SPART: variants seen among roughly 807,000 people sequenced by gnomAD.
The protein encoded by SPART is spastic paraplegia 20 (Troyer syndrome).
SPART carries 35 observed loss-of-function variants against 58.7 expected under a neutral mutation model. That is an observed-to-expected ratio of 0.60 (90% CI 0.46 to 0.79). The LOEUF (loss-of-function observed/expected upper bound fraction) is 0.79. Ranked by LOEUF, SPART falls within the 30% of genes least tolerant of loss-of-function variation. The pLI is 0.00. For synonymous variants in SPART, 284 were observed against 280.7 expected, an observed-to-expected ratio of 1.01 and a Z score of -0.12; for missense variants, 730 against 786.1, an observed-to-expected ratio of 0.93 and a Z score of 0.85.
chr13:36,308,289 A>C (rs1880721100), intron 8 of SPART: 1 of 152,180 alleles, frequency 6.6e-6, no homozygotes, highest in African/African-American at 2.4e-5. Context: ...TATTACTTAG[A>C]TAAAATCTTT....
In SPART at chr13:36,312,217, T is replaced by G. The variant is rs1306180567; in HGVS notation, c.1661A>C (p.Gln554Pro). 2 of 1,614,074 alleles carry G rather than the reference T, an allele frequency of 1.2e-6. No individual in the cohort carries two copies. The part of the protein sequence containing the change: ...SSVQGFSTVW[Q>P]GLECAAKCIV... The stretch of plus-strand genomic sequence containing the variant: ...GCATTTAGCTGCACATTCCAATCCT[T>G]GCCAGACAGTTGAAAATCCTGTAAA... The change falls in exon 8 of 9, where the codon CAA becomes CCA. Residue 554 changes from glutamine (Q) to proline (P), a missense_variant. By Grantham distance (76) the Gln-to-Pro change is moderately conservative. Coordinates refer to ENST00000438666, the MANE Select transcript of SPART (RefSeq NM_015087.5).
chr13:36,322,956 A>G (rs1488534486), intron 5 of SPART, among the ~76,000 whole-genome samples: 1 of 152,214 alleles, frequency 6.6e-6, no homozygotes, highest in African/African-American at 2.4e-5. Flanking sequence ...TTGTTTGTCT[A>G]TTCTTTAACA....
At chr13:36,325,528 G>A (rs1882846343) in intron 5 of SPART, among the ~76,000 whole-genome samples, 1 of 152,068 alleles carries the variant, frequency 6.6e-6, no homozygotes, top group African/African-American at 2.4e-5. Flanking sequence ...TCGTTTAAAT[G>A]AGTCAAGACC....
chr13:36,336,809 CAAT>C (rs1296180313), intron 1 of SPART, among the ~76,000 whole-genome samples: 1 of 152,144 alleles, frequency 6.6e-6, no homozygotes, highest in Non-Finnish European at 1.5e-5. Flanking sequence ...TCATACAATG[CAAT>C]AATACACAGA....
intron 6 of SPART, among the ~76,000 whole-genome samples, chr13:36,313,466 G>T (rs1247643531): frequency 6.6e-6 from 1 of 152,184 alleles, no homozygotes; most frequent in African/African-American, 2.4e-5. Context: ...ATAGTGTATA[G>T]TAATGTCCTA....
At chr13:36,335,890 G>T in intron 1 of SPART, 58 bp from the exon 2 acceptor site, 1 of 1,313,208 alleles carries the variant, frequency 7.6e-7, no homozygotes, top group Non-Finnish European at 1.1e-6. Context: ...CTTATGATTC[G>T]TATCTCCTAC....
In SPART at chr13:36,312,358, G is replaced by C; in HGVS notation, c.1603C>G (p.Leu535Val). ...GCTGCTACAACCATAGCACCATCCA[G>C]AGGAGATTTCCCATCTTTGTCTTTT... ...LKKDKDGKSP[L>V]DGAMVVAASS... The change falls in exon 7 of 9, where the codon CTG becomes GTG. Residue 535 changes from leucine to valine, a missense_variant. Leu to Val is a conservative substitution (Grantham distance 32, BLOSUM62 1). Coordinates refer to ENST00000438666, the MANE Select transcript of SPART (RefSeq NM_015087.5). The C allele has an allele frequency of 3.7e-6, 6 of 1,614,050 alleles. No homozygotes were observed. Among genetic ancestry groups the C allele is most frequent in the South Asian group, 3.3e-5 (3 of 91,076 alleles).
At chr13:36,334,351 T>C (rs558594078) in intron 2 of SPART, among the ~76,000 whole-genome samples, 43 of 152,280 alleles carry the variant, frequency 2.8e-4, no homozygotes, top group African/African-American at 9.6e-4. Flanking sequence ...GCTTGGACTG[T>C]TGGAATTACA....
At chr13:36,321,598 C>T (rs1389542296) in intron 5 of SPART, among the ~76,000 whole-genome samples, 1 of 152,098 alleles carries the variant, frequency 6.6e-6, no homozygotes, top group Non-Finnish European at 1.5e-5. Context: ...CTCTAGGTTC[C>T]CACGCCGCCC....
chr13:36,312,947 TATCTC>T (rs1289354750), intron 6 of SPART, among the ~76,000 whole-genome samples: 1 of 151,998 alleles, frequency 6.6e-6, no homozygotes, highest in African/African-American at 2.4e-5. Flanking sequence ...TACTGATAAA[TATCTC>T]AGTTATCTCG....
intron 5 of SPART, among the ~76,000 whole-genome samples, chr13:36,317,710 C>T (rs1292751606): frequency 6.6e-6 from 1 of 151,908 alleles, no homozygotes; most frequent in Non-Finnish European, 1.5e-5. Context: ...GGCAACCTTC[C>T]ACCCTCCATT....
chr13:36,368,332 C>A, intron 1 of SPART: 3 of 283,466 alleles, frequency 1.1e-5, no homozygotes, highest in African/African-American at 2.3e-5. Flanking sequence ...GGAAGAAGGA[C>A]CATTAAAAAA....
At chr13:36,314,881 A>G (rs1881521521) in intron 5 of SPART, among the ~76,000 whole-genome samples, 1 of 152,202 alleles carries the variant, frequency 6.6e-6, no homozygotes, top group African/African-American at 2.4e-5. Context: ...AATGGAAACC[A>G]AAGAAACTGC....
intron 1 of SPART, among the ~76,000 whole-genome samples, chr13:36,360,048 C>A (rs1038200452): frequency 1.3e-5 from 2 of 151,452 alleles, no homozygotes; most frequent in Admixed American, 6.6e-5. Context: ...GTAATCCTGG[C>A]ACTTTGGGAG....
At chr13:36,342,164 T>A (rs938928607) in intron 1 of SPART, among the ~76,000 whole-genome samples, 2 of 152,184 alleles carry the variant, frequency 1.3e-5, no homozygotes, top group African/African-American at 4.8e-5. Context: ...TCCCCACGCA[T>A]CATTTAGAGT....
At chr13:36,310,063 T>G (rs1035130371) in intron 8 of SPART, among the ~76,000 whole-genome samples, 9 of 152,206 alleles carry the variant, frequency 5.9e-5, no homozygotes, top group African/African-American at 2.2e-4. Flanking sequence ...CCAGCTCTAC[T>G]ATTCACTAGG....
At chr13:36,366,800 T>C (rs1463217590) in intron 1 of SPART, among the ~76,000 whole-genome samples, 1 of 75,516 alleles carries the variant, frequency 1.3e-5, no homozygotes, top group Non-Finnish European at 2.6e-5. Flanking sequence ...GTCGTTTTAT[T>C]TAAACCGGCA....
chr13:36,329,618 T>C, intron 3 of SPART, 101 bp from the exon 4 acceptor site: 1 of 1,282,412 alleles, frequency 7.8e-7, no homozygotes, highest in Non-Finnish European at 1.1e-6. Flanking sequence ...CTTGTTTGAA[T>C]GTCAGTTTGG....
chr13:36,351,224 C>T (rs1885395812), upstream of SPART, among the ~76,000 whole-genome samples: 2 of 151,722 alleles, frequency 1.3e-5, no homozygotes, highest in African/African-American at 4.8e-5. Context: ...AATCCCAGTA[C>T]TTTAGGAGGC....
Sources: allele counts gnomAD v4.1 joint callset (sites outside exome capture counted in the v4.1 genomes callset), GRCh38; gene constraint gnomAD v4.1.1; transcripts MANE v1.5; gene names NCBI Gene and HGNC (gene_info 2026-07-23, HGNC 2026-07-21).